CCDC138: variants seen among roughly 807,000 people sequenced by gnomAD.
The protein encoded by CCDC138 is coiled-coil domain containing 138.
Under a neutral mutation model 82.3 loss-of-function variants are expected in CCDC138, and 66 were observed. That is an observed-to-expected ratio of 0.80 (90% CI 0.66 to 0.98). The LOEUF is 0.98. CCDC138 is among the 50% of genes least tolerant of loss of function. The pLI is 0.00. For missense variants in CCDC138, 816 were observed against 758.9 expected (o/e 1.08, Z -0.88); for synonymous variants, 297 against 265.4 (o/e 1.12, Z -1.16).
chr2:108,868,371 C>T (rs1298395990), intron 13 of CCDC138, among the ~76,000 whole-genome samples: 1 of 152,124 alleles, frequency 6.6e-6, no homozygotes, highest in East Asian at 1.9e-4. Context: ...GATTTAAATA[C>T]TTTCCACCAA....
At chr2:108,868,055 C>CT (rs977282521) in intron 13 of CCDC138, among the ~76,000 whole-genome samples, 1 of 152,192 alleles carries the variant, frequency 6.6e-6, no homozygotes, top group African/African-American at 2.4e-5. Context: ...AGGCTGATGA[C>CT]TAACATGTGG....
chr2:108,814,302 C>G (rs1684377926), intron 9 of CCDC138, among the ~76,000 whole-genome samples: 1 of 152,048 alleles, frequency 6.6e-6, no homozygotes, highest in Non-Finnish European at 1.5e-5. Context: ...TTCATTTTGA[C>G]CCTTCCAGTG....
In CCDC138 at chr2:108,846,834, G is replaced by A. The variant is rs1203227952; in HGVS notation, c.1420G>A (p.Val474Met). The change falls in exon 12 of 15, where the codon GTG (valine) becomes ATG (methionine). Residue 474 changes from valine (V) to methionine (M), a missense_variant. Transcript: ENST00000295124. ...TCAGGATAATTCTCCACAGCATTCT[G>A]TGGAGAATAAACCAAAGACAGCTGC... Reference protein sequence around the residue: ...GIQDNSPQHSVENKPKTAAFF... With the variant: ...GIQDNSPQHSMENKPKTAAFF... 2 of 1,613,418 alleles carry A rather than the reference G, an allele frequency of 1.2e-6. No homozygotes were observed. Among genetic ancestry groups the A allele is most frequent in the Non-Finnish European group, 1.7e-6 (2 of 1,179,542 alleles).
At chr2:108,789,767 G>T (rs1679592102) in intron 3 of CCDC138, among the ~76,000 whole-genome samples, 2 of 152,142 alleles carry the variant, frequency 1.3e-5, no homozygotes, top group Non-Finnish European at 2.9e-5. Context: ...ACAGTGCTGG[G>T]TTAAAAGAAG....
intron 13 of CCDC138, among the ~76,000 whole-genome samples, chr2:108,872,437 C>G (rs1443220869): frequency 6.6e-6 from 1 of 152,188 alleles, no homozygotes; most frequent in Non-Finnish European, 1.5e-5. Context: ...ACTTTTACTA[C>G]ATAGTTATAT....
chr2:108,875,786 G>A (rs1695942946), intron 14 of CCDC138, among the ~76,000 whole-genome samples: 1 of 152,176 alleles, frequency 6.6e-6, no homozygotes, highest in Admixed American at 6.5e-5. Context: ...TTGAGCTGGG[G>A]AGGTTGAGGC....
intron 12 of CCDC138, among the ~76,000 whole-genome samples, chr2:108,848,183 AAT>A (rs1444577688): frequency 6.6e-6 from 1 of 152,246 alleles, no homozygotes; most frequent in East Asian, 1.9e-4. Flanking sequence ...TGTTTGAAAT[AAT>A]ATGTCAACAT....
intron 4 of CCDC138, among the ~76,000 whole-genome samples, chr2:108,793,018 T>G (rs543344065): frequency 6.8e-6 from 1 of 147,350 alleles, no homozygotes; most frequent in Admixed American, 6.6e-5. Flanking sequence ...GAGCTGAGAC[T>G]GTGCCACTGC....
chr2:108,869,892 C>T (rs948810985), intron 13 of CCDC138, among the ~76,000 whole-genome samples: 8 of 152,014 alleles, frequency 5.3e-5, no homozygotes, highest in South Asian at 2.1e-4. Context: ...TCGTAGAACA[C>T]GCAAAGAAAG....
chr2:108,839,380 T>G, intron 11 of CCDC138, 79 bp downstream of exon 11: 1 of 1,181,446 alleles, frequency 8.5e-7, no homozygotes, highest in Non-Finnish European at 1.2e-6. Context: ...CAATATCTGT[T>G]TTGAATATAT....
intron 9 of CCDC138, among the ~76,000 whole-genome samples, chr2:108,814,314 G>T (rs1051504263): frequency 6.6e-6 from 1 of 152,068 alleles, no homozygotes. Context: ...CTTCCAGTGG[G>T]TGTGTAGTAG....
At chr2:108,860,206 C>T (rs1693328392) in intron 13 of CCDC138, among the ~76,000 whole-genome samples, 1 of 152,024 alleles carries the variant, frequency 6.6e-6, no homozygotes, top group African/African-American at 2.4e-5. Flanking sequence ...TATCTTCAGA[C>T]TTCACTGAAG....
intron 6 of CCDC138, among the ~76,000 whole-genome samples, chr2:108,804,277 G>C (rs1281608737): frequency 2.0e-5 from 3 of 152,118 alleles, no homozygotes; most frequent in Non-Finnish European, 4.4e-5. Flanking sequence ...TCTAAAACAT[G>C]CTATCCCATT....
Position 108,798,472 on chromosome 2 carries a change from G to A in CCDC138, c.621G>A (p.Lys207=), listed in dbSNP as rs751336123. The A allele has an allele frequency of 1.2e-6, 2 of 1,613,854 alleles. No individual in the cohort carries two copies. Among genetic ancestry groups the A allele is most frequent in the South Asian group, 1.1e-5 (1 of 91,040 alleles). Reference sequence around the variant, plus strand: ...AGAAATTTGCTGAAGAACTTCAAAAGCGAGAACGTTTTTTACTTGAAAGAG... The same window carrying A: ...AGAAATTTGCTGAAGAACTTCAAAAACGAGAACGTTTTTTACTTGAAAGAG... ...AQQKFAEELQ[K]RERFLLEREQ... Residue 207 remains lysine (K), a synonymous_variant, in exon 6 of 15, where the codon AAG becomes AAA. Coordinates refer to ENST00000295124, the MANE Select transcript of CCDC138 (RefSeq NM_144978.3).
In CCDC138 at chr2:108,847,673, A is replaced by G. The variant is rs900512949; in HGVS notation, c.1516+743A>G. 1.2e-3 allele frequency among the ~76,000 whole-genome samples: 177 copies of G among 152,344 alleles called. 1 individual carries two copies. The highest frequency in any genetic ancestry group is 4.0e-3 in the African/African-American group (168 of 41,584). The stretch of plus-strand genomic sequence containing the variant: ...TGAGTTATGCCAGTGTAGTCAGGCA[A>G]TAAATATACCATCTTTCTGTCTTCC... On this transcript the variant is annotated intron_variant, in intron 12 of 14. Coordinates refer to ENST00000295124, the MANE Select transcript of CCDC138 (RefSeq NM_144978.3).
intron 4 of CCDC138, among the ~76,000 whole-genome samples, chr2:108,794,000 G>A (rs1262147983): frequency 6.6e-6 from 1 of 152,154 alleles, no homozygotes; most frequent in Non-Finnish European, 1.5e-5. Flanking sequence ...ATAGGAGGAT[G>A]CTGTATACAG....
intron 7 of CCDC138, among the ~76,000 whole-genome samples, chr2:108,810,478 A>G (rs1287871594): frequency 2.0e-5 from 3 of 152,088 alleles, no homozygotes; most frequent in Non-Finnish European, 4.4e-5. Flanking sequence ...TTTTATTTGC[A>G]TATTTGAGCC....
At chr2:108,868,254 A>G (rs1050114742) in intron 13 of CCDC138, among the ~76,000 whole-genome samples, 2 of 152,198 alleles carry the variant, frequency 1.3e-5, no homozygotes, top group Non-Finnish European at 2.9e-5. Flanking sequence ...ATATCATATT[A>G]GTATAGTATT....
At chr2:108,812,785 A>G (rs551964049) in intron 8 of CCDC138, 35 bp from the exon 9 acceptor site, 7 of 1,611,734 alleles carry the variant, frequency 4.3e-6, no homozygotes, top group Non-Finnish European at 5.1e-6. Flanking sequence ...TTTAGATACA[A>G]TTGTTCTTTA....
Sources: gnomAD v4.1 joint callset for allele counts (sites outside exome capture counted in the v4.1 genomes callset) on GRCh38, gnomAD v4.1.1 for gene constraint, MANE v1.5 for transcripts, NCBI Gene and HGNC (gene_info 2026-07-23, HGNC 2026-07-21) for gene names.